Variants in VCL observed in about 807,000 individuals in gnomAD.
VCL encodes vinculin.
VCL carries 47 observed loss-of-function variants against 125.7 expected under a neutral mutation model. The observed-to-expected ratio is 0.37, with a 90% CI of 0.30 to 0.48. The LOEUF is 0.48. Ranked by LOEUF, VCL falls within the 20% of genes least tolerant of loss-of-function variation. The pLI is 0.99. For missense variants in VCL, 1,069 were observed against 1,455.5 expected (o/e 0.73, Z 4.32); for synonymous variants, 458 against 514.6 (o/e 0.89, Z 1.49).
chr10:74,101,093 C>A lies in VCL; in HGVS notation c.2018C>A (p.Pro673His), dbSNP rs932316455. The change falls in exon 14 of 22, where the codon CCC becomes CAC. Residue 673 changes from proline (P) to histidine (H), a missense_variant. Pro to His is a moderately conservative substitution (Grantham distance 77). This residue lies in a region of VCL where 760 missense variants were observed against 928.9 expected (regional missense o/e 0.82). Coordinates refer to ENST00000211998, the MANE Select transcript of VCL (RefSeq NM_014000.3). ...ASVKTARELT[P>H]QVVSAARILL... ...GTGAAGACGGCCCGAGAACTCACAC[C>A]CCAGGTTGGGTTTTGCTCATTCCTC... 3 of 1,612,982 alleles carry A rather than the reference C, an allele frequency of 1.9e-6. No individual in the cohort carries two copies. The highest frequency in any genetic ancestry group is 2.5e-6 in the Non-Finnish European group (3 of 1,179,410).
intron 19 of VCL, among the ~76,000 whole-genome samples, chr10:74,113,727 C>G (rs542049544): frequency 6.6e-6 from 1 of 152,106 alleles, no homozygotes; most frequent in African/African-American, 2.4e-5. Context: ...CTGTATTTTT[C>G]CCCTCAGGCC....
In VCL at chr10:74,097,031, A is replaced by G. The variant is rs1031483515; in HGVS notation, c.1744-173A>G. Among the ~76,000 whole-genome samples the G allele has an allele frequency of 2.6e-5, 4 of 152,284 alleles. No homozygotes were observed. The highest frequency in any genetic ancestry group is 2.0e-4 in the Admixed American group (3 of 15,292). ...CTACACCACTAATGTCTTACAGGGCAGGATTCATAAATTACACCTGTTCTG... is the reference window on the plus strand; with the variant it reads ...CTACACCACTAATGTCTTACAGGGCGGGATTCATAAATTACACCTGTTCTG... On this transcript the variant is annotated intron_variant, in intron 12 of 21. Transcript: ENST00000211998. This position sits in a 1 kb window ranked among gnomAD's most constrained non-coding sequence, Gnocchi z 4.1.
At chr10:74,056,614 G>A (rs980040238) in intron 2 of VCL, among the ~76,000 whole-genome samples, 1 of 152,112 alleles carries the variant, frequency 6.6e-6, no homozygotes, top group Admixed American at 6.5e-5. Flanking sequence ...CGTGTGAGTT[G>A]GTGCTGCATA....
chr10:74,084,338 C>A lies in VCL; in HGVS notation c.1022+825C>A, dbSNP rs551393190. Among the ~76,000 whole-genome samples, 3 of 152,102 alleles carry A rather than the reference C, an allele frequency of 2.0e-5. No homozygotes were observed. In the East Asian group the frequency reaches 5.8e-4, roughly 29 times the overall value. Reference sequence around the variant, plus strand: ...ACGGAGTCTCGCTCTGTCACCCGGGCTGGCATGCAGTGGTGCAATCTCGGC... The same window carrying A: ...ACGGAGTCTCGCTCTGTCACCCGGGATGGCATGCAGTGGTGCAATCTCGGC... On this transcript the variant is annotated intron_variant, in intron 8 of 21. Transcript: ENST00000211998.
intron 1 of VCL, among the ~76,000 whole-genome samples, chr10:74,038,425 T>A (rs771100905): frequency 3.3e-5 from 5 of 152,198 alleles, no homozygotes; most frequent in African/African-American, 4.8e-5. Flanking sequence ...CAAAAATCAA[T>A]TCCCCAAGAA....
intron 1 of VCL, among the ~76,000 whole-genome samples, chr10:74,027,212 T>G (rs1447236649): frequency 6.6e-6 from 1 of 152,114 alleles, no homozygotes; most frequent in Non-Finnish European, 1.5e-5. Context: ...CACACATATT[T>G]CCTTTTAAAA....
chr10:74,073,821 GT>G (rs1256122841), intron 5 of VCL, among the ~76,000 whole-genome samples: 1 of 152,182 alleles, frequency 6.6e-6, no homozygotes, highest in African/African-American at 2.4e-5. Context: ...GGGTTAATTA[GT>G]TATTTCTCAG....
intron 1 of VCL, among the ~76,000 whole-genome samples, chr10:74,009,222 C>A (rs546798818): frequency 0.012 from 1,364 of 117,030 alleles, 102 homozygotes; most frequent in South Asian, 0.027. Flanking sequence ...GCTTTCCCCC[C>A]CCCCCCCCGA....
intron 1 of VCL, among the ~76,000 whole-genome samples, chr10:74,035,720 A>G (rs901983354): frequency 2.0e-5 from 3 of 152,252 alleles, no homozygotes; most frequent in Non-Finnish European, 4.4e-5. Context: ...TCTCTCGGCA[A>G]TGGAATAAAG....
chr10:74,052,995 A>T (rs1841334137), intron 2 of VCL, among the ~76,000 whole-genome samples: 1 of 150,578 alleles, frequency 6.6e-6, no homozygotes, highest in Non-Finnish European at 1.5e-5. Context: ...CTAATATTTT[A>T]AAAGGATTTT....
intron 2 of VCL, among the ~76,000 whole-genome samples, chr10:74,069,899 G>C (rs1281246544): frequency 6.6e-6 from 1 of 152,098 alleles, no homozygotes; most frequent in Non-Finnish European, 1.5e-5. Context: ...ACCTTTGGCT[G>C]ATCTGGTTAC....
At chr10:74,073,750 TTGAG>T (rs1396301740) in intron 5 of VCL, among the ~76,000 whole-genome samples, 1 of 152,228 alleles carries the variant, frequency 6.6e-6, no homozygotes, top group Non-Finnish European at 1.5e-5. Context: ...GTAGCACTTA[TTGAG>T]TGTCTAGTAT....
chr10:74,070,684 G>T lies in VCL; in HGVS notation c.254G>T (p.Cys85Phe), dbSNP rs1017527931. 2.1e-5 allele frequency: 34 copies of T among 1,613,986 alleles called. No homozygotes were observed. The highest frequency in any genetic ancestry group is 2.7e-5 in the Non-Finnish European group (32 of 1,180,024). Residue 85 changes from cysteine (C) to phenylalanine (F), a missense_variant, in exon 3 of 22, where the codon TGC (cysteine) becomes TTC (phenylalanine). Coordinates refer to ENST00000211998, the MANE Select transcript of VCL (RefSeq NM_014000.3). Reference protein sequence around the residue: ...PPAFIKVENACTKLVQAAQML... With the variant: ...PPAFIKVENAFTKLVQAAQML... ...CTTCCCTATAGGGTTGAGAATGCTT[G>T]CACCAAGCTTGTCCAGGCAGCTCAG...
chr10:74,041,102 G>T (rs1404572937), intron 1 of VCL, among the ~76,000 whole-genome samples: 1 of 152,144 alleles, frequency 6.6e-6, no homozygotes, highest in Non-Finnish European at 1.5e-5. Context: ...TCTCACCTTG[G>T]TCTCCCAAAG....
chr10:74,010,903 C>T (rs978558820), intron 1 of VCL, among the ~76,000 whole-genome samples: 2 of 152,180 alleles, frequency 1.3e-5, no homozygotes, highest in Non-Finnish European at 2.9e-5. Flanking sequence ...GGCATGGTGG[C>T]TCATGCCTGT....
rs1840389839 is a variant in VCL at position 74,120,122 on chromosome 10, T to C, written c.*1953T>C. ...TGCAAATATTTTCTGCCTCTTCTTTTGTTCTGTTTAAAACAATAAAATGCA... is the reference window on the plus strand; with the variant it reads ...TGCAAATATTTTCTGCCTCTTCTTTCGTTCTGTTTAAAACAATAAAATGCA... On this transcript the variant is annotated 3_prime_UTR_variant, in exon 22 of 22. Transcript: ENST00000211998. 6.6e-6 allele frequency: 1 copy of C among 152,266 alleles called. No homozygotes were observed. The highest frequency in any genetic ancestry group is 2.4e-5 in the African/African-American group (1 of 41,470). 9.4% of individuals were successfully genotyped at this position (152,266 alleles called of 1,614,324 possible). A position where few individuals can be genotyped will look rare whatever the true frequency, so the allele number is the denominator to read the frequency against.
chr10:74,112,165 G>GT, intron 19 of VCL, 53 bp downstream of exon 19: 1 of 1,606,848 alleles, frequency 6.2e-7, no homozygotes, highest in Non-Finnish European at 8.5e-7. Flanking sequence ...CCGGCCATGT[G>GT]CAGCCTTGAC....
At chr10:74,043,588 C>G (rs1264844676) in intron 2 of VCL, among the ~76,000 whole-genome samples, 1 of 152,046 alleles carries the variant, frequency 6.6e-6, no homozygotes, top group Non-Finnish European at 1.5e-5. Flanking sequence ...CTCAGGTGAT[C>G]CACCCACCTT....
chr10:74,093,846 C>G (rs369015478), intron 10 of VCL, among the ~76,000 whole-genome samples: 1 of 152,070 alleles, frequency 6.6e-6, no homozygotes, highest in African/African-American at 2.4e-5. Flanking sequence ...TGTAACAGTA[C>G]CTGGCAGAAT....
Sources: allele counts gnomAD v4.1 joint callset (sites outside exome capture counted in the v4.1 genomes callset), GRCh38; gene constraint gnomAD v4.1.1; regional missense constraint gnomAD v4.1.1; non-coding constraint Gnocchi (gnomAD v3.1); transcripts MANE v1.5; gene names NCBI Gene and HGNC (gene_info 2026-07-23, HGNC 2026-07-21).